The following TTF2 variants were observed in gnomAD, a reference collection of about 807,000 sequenced individuals.
TTF2 encodes transcription termination factor 2, also known as RNA polymerase II termination factor.
Under a neutral mutation model 142.4 loss-of-function variants are expected in TTF2, and 108 were observed. The observed-to-expected ratio is 0.76, with a 90% CI of 0.65 to 0.89. The LOEUF (loss-of-function observed/expected upper bound fraction) is 0.89, where lower values mean the gene tolerates loss of function less well. TTF2 is among the 40% of genes least tolerant of loss of function. The pLI, the probability that TTF2 is intolerant of heterozygous loss-of-function variation, is 0.00. For synonymous variants in TTF2, 483 were observed against 506.2 expected, an observed-to-expected ratio of 0.95 and a Z score of 0.61; for missense variants, 1,327 against 1,379.8, an observed-to-expected ratio of 0.96 and a Z score of 0.61.
Position 117,088,991 on chromosome 1 carries a change from C to T in TTF2, c.2342+9C>T. ...ATGTATTCGCTGCTGAAGTGAGTAA[C>T]TTCTCGTGATTGTGTAAATATGAAC... On this transcript the variant is annotated intron_variant, in intron 13 of 22. Transcript: ENST00000369466. 2 of 1,595,522 alleles carry T rather than the reference C, an allele frequency of 1.3e-6. No homozygotes were observed. The highest frequency in any genetic ancestry group is 4.5e-5 in the East Asian group (2 of 44,134).
Position 117,091,899 on chromosome 1 carries a change from C to A in TTF2, c.2754C>A (p.Ser918=). 1 of 1,613,384 alleles carries A rather than the reference C, an allele frequency of 6.2e-7. No individual in the cohort carries two copies. Among genetic ancestry groups the A allele is most frequent in the Non-Finnish European group, 8.5e-7 (1 of 1,179,874 alleles). The change falls in exon 17 of 23, where the codon TCC becomes TCA. Residue 918 remains serine, a synonymous_variant. Coordinates refer to ENST00000369466, the MANE Select transcript of TTF2 (RefSeq NM_003594.4). ...GATCCAGCACCGTCCACATACTGTC[C>A]CAGTTGCTGAGACTCCGCCAGTGTT... ...SPRSSTVHIL[S]QLLRLRQCCC...
At position 117,076,676 on chromosome 1, in the gene TTF2, C is replaced by A; in HGVS notation, c.1426C>A (p.Gln476Lys). The change falls in exon 7 of 23, where the codon CAG becomes AAG. Residue 476 changes from glutamine (Q) to lysine (K), a missense_variant. By Grantham distance (53) the Gln-to-Lys change is moderately conservative. Transcript: ENST00000369466. The surrounding 1 kb of genome is among the most constrained non-coding windows in gnomAD (Gnocchi z 4.6). ...NEKSNSQVPQ[Q>K]SHFTKTTTGP... ...GAAGAGTAACAGTCAAGTACCACAG[C>A]AGAGTCACTTCACCAAAACTACCAC... 6.2e-7 allele frequency: 1 copy of A among 1,613,482 alleles called. No homozygotes were observed. Among genetic ancestry groups the A allele is most frequent in the Non-Finnish European group, 8.5e-7 (1 of 1,179,680 alleles).
intron 18 of TTF2, chr1:117,094,624 ACTTT>A (rs750362156): frequency 2.1e-6 from 1 of 478,996 alleles, no homozygotes; most frequent in African/African-American, 2.0e-5. Context: ...AAGCTCTTTC[ACTTT>A]CTTCTTCAGC....
rs1044771861 is a variant in TTF2 at position 117,106,597 on chromosome 1, A to C, written c.*5073A>C. On this transcript the variant is annotated 3_prime_UTR_variant, in exon 23 of 23. Transcript: ENST00000369466. ...ATCTAAGGGAGACAGGCATTAGTCA[A>C]CCCCGTGTGGCTGTGAATCAGCCAT... 4.6e-5 allele frequency: 7 copies of C among 152,194 alleles called. No individual in the cohort carries two copies. The highest frequency in any genetic ancestry group is 8.8e-5 in the Non-Finnish European group (6 of 68,040). The allele number at this position is 152,194 out of a possible 1,614,324, so 9.4% of individuals were successfully genotyped here.
chr1:117,105,828 C>G lies in TTF2; in HGVS notation c.*4304C>G, dbSNP rs1009594760. ...TATGGGAGGTGACTTATTTCTCTATCAATCCTGTGAGTGATTTAGCATGGC... is the reference window on the plus strand; with the variant it reads ...TATGGGAGGTGACTTATTTCTCTATGAATCCTGTGAGTGATTTAGCATGGC... On this transcript the variant is annotated 3_prime_UTR_variant, in exon 23 of 23. Coordinates refer to ENST00000369466, the MANE Select transcript of TTF2 (RefSeq NM_003594.4). The surrounding 1 kb of genome is among the most constrained non-coding windows in gnomAD (Gnocchi z 4.7). 8 of 152,154 alleles carry G rather than the reference C, an allele frequency of 5.3e-5. No homozygotes were observed. Among genetic ancestry groups the G allele is most frequent in the African/African-American group, 1.9e-4 (8 of 41,416 alleles). The allele number at this position is 152,154 out of a possible 1,614,324, so 9.4% of individuals were successfully genotyped here. A position where few individuals can be genotyped will look rare whatever the true frequency, so the allele number is the denominator to read the frequency against.
chr1:117,081,353 A>T (rs1647493943), intron 9 of TTF2, among the ~76,000 whole-genome samples: 1 of 152,268 alleles, frequency 6.6e-6, no homozygotes, highest in Admixed American at 6.5e-5. Flanking sequence ...TGGTACAATG[A>T]CAGTACCCAA....
Position 117,104,298 on chromosome 1 carries a change from G to A in TTF2, c.*2774G>A, listed in dbSNP as rs1365401281. On this transcript the variant is annotated 3_prime_UTR_variant, in exon 23 of 23. Transcript: ENST00000369466. Reference sequence around the variant, plus strand: ...ATTAGCATGTATCTCATGCTCCACTGGGAATTTCATAGCAAATATATATAC... The same window carrying A: ...ATTAGCATGTATCTCATGCTCCACTAGGAATTTCATAGCAAATATATATAC... 6.6e-6 allele frequency: 1 copy of A among 152,160 alleles called. No homozygotes were observed. Among genetic ancestry groups the A allele is most frequent in the Non-Finnish European group, 1.5e-5 (1 of 68,036 alleles). 9.4% of individuals were successfully genotyped at this position (152,160 alleles called of 1,614,324 possible).
At chr1:117,084,528 G>A (rs867104266) in intron 11 of TTF2, among the ~76,000 whole-genome samples, 43 of 152,304 alleles carry the variant, frequency 2.8e-4, no homozygotes, top group African/African-American at 1.0e-3. Context: ...AACCAGCCCA[G>A]TTCTACAGAG....
In TTF2 at chr1:117,075,139, G is replaced by C. The variant is rs1192827603; in HGVS notation, c.555G>C (p.Lys185Asn). The change falls in exon 5 of 23, where the codon AAG becomes AAC. Residue 185 changes from lysine (K) to asparagine (N), a missense_variant. Physicochemically the swap from Lys to Asn is moderately conservative, Grantham distance 94. Transcript: ENST00000369466. The surrounding 1 kb of genome is among the most constrained non-coding windows in gnomAD (Gnocchi z 4.5). ...EKDLSSGLVP[K>N]KKQSVVQEKK... ...ACCTCTCATCTGGCCTGGTACCAAA[G>C]AAAAAACAATCTGTAGTTCAAGAGA... 4 of 1,613,972 alleles carry C rather than the reference G, an allele frequency of 2.5e-6. No individual in the cohort carries two copies. The highest frequency in any genetic ancestry group is 3.4e-6 in the Non-Finnish European group (4 of 1,180,002).
At chr1:117,091,044 C>G (rs1055799916) in intron 15 of TTF2, among the ~76,000 whole-genome samples, 1 of 152,186 alleles carries the variant, frequency 6.6e-6, no homozygotes, top group African/African-American at 2.4e-5. Flanking sequence ...TTATCTTTCC[C>G]TGAATTCCAG....
Position 117,075,970 on chromosome 1 carries a change from A to G in TTF2, c.1275+111A>G, listed in dbSNP as rs1166377215. The G allele has an allele frequency of 3.5e-6, 5 of 1,440,588 alleles. No individual in the cohort carries two copies. The highest frequency in any genetic ancestry group is 4.6e-6 in the Non-Finnish European group (5 of 1,082,452). 89.2% of individuals were successfully genotyped at this position (1,440,588 alleles called of 1,614,324 possible). ...AAATATGTTCATGTGAAGGTTTTAT[A>G]GGTGCATGTTCAGTTTCTGCCTTTT... is the stretch of plus-strand genomic sequence containing the variant. On this transcript the variant is annotated intron_variant, in intron 5 of 22. Transcript: ENST00000369466. The surrounding 1 kb of genome is among the most constrained non-coding windows in gnomAD (Gnocchi z 4.5).
chr1:117,090,107 G>T lies in TTF2; in HGVS notation c.2395G>T (p.Asp799Tyr). 6.2e-7 allele frequency: 1 copy of T among 1,614,072 alleles called. No individual in the cohort carries two copies. Among genetic ancestry groups the T allele is most frequent in the South Asian group, 1.1e-5 (1 of 91,044 alleles). ...DEFNLWRSQV[D>Y]NGSKKGGERL... ...GTTCAATCTGTGGAGGAGTCAGGTT[G>T]ACAATGGCTCAAAGAAAGGAGGAGA... The change falls in exon 14 of 23, where the codon GAC becomes TAC. Residue 799 changes from aspartate to tyrosine, a missense_variant. Physicochemically the swap from Asp to Tyr is radical, Grantham distance 160. Coordinates refer to ENST00000369466, the MANE Select transcript of TTF2 (RefSeq NM_003594.4). This position sits in a 1 kb window ranked among gnomAD's most constrained non-coding sequence, Gnocchi z 4.8.
intron 3 of TTF2, among the ~76,000 whole-genome samples, chr1:117,072,227 G>T (rs1351037264): frequency 6.6e-6 from 1 of 151,874 alleles, no homozygotes; most frequent in Non-Finnish European, 1.5e-5. Context: ...TTTTTTGGTG[G>T]AAGAGTGTAA....
chr1:117,099,763 C>T lies in TTF2; in HGVS notation c.3344+856C>T, dbSNP rs1649435347. Among the ~76,000 whole-genome samples the T allele has an allele frequency of 6.6e-6, 1 of 152,192 alleles. No individual in the cohort carries two copies. Among genetic ancestry groups the T allele is most frequent in the Non-Finnish European group, 1.5e-5 (1 of 68,038 alleles). On this transcript the variant is annotated intron_variant, in intron 22 of 22. Transcript: ENST00000369466. This position sits in a 1 kb window ranked among gnomAD's most constrained non-coding sequence, Gnocchi z 4.3. ...ATCACTGCCTATCTTTACTTGATTACTTCCCATTCATTCCTCAGCCTTTAC... is the reference window on the plus strand; with the variant it reads ...ATCACTGCCTATCTTTACTTGATTATTTCCCATTCATTCCTCAGCCTTTAC...
rs1362609520 is a variant in TTF2 at position 117,101,945 on chromosome 1, C to CA, written c.*422dup. The stretch of plus-strand genomic sequence containing the variant: ...TGGCTTGAAGCCAGTAGTTCAAGAC[C>CA]AGCCTGGGCAACATAGTAAGACCCC... On this transcript the variant is annotated 3_prime_UTR_variant, in exon 23 of 23. Transcript: ENST00000369466. This position sits in a 1 kb window ranked among gnomAD's most constrained non-coding sequence, Gnocchi z 5.9. 2.6e-5 allele frequency: 4 copies of CA among 154,378 alleles called. No homozygotes were observed. In the East Asian group the frequency reaches 7.6e-4, roughly 29 times the overall value. The allele number at this position is 154,378 out of a possible 1,614,324, so 9.6% of individuals were successfully genotyped here.
chr1:117,100,305 C>G lies in TTF2; in HGVS notation c.3345-1075C>G, dbSNP rs905615327. Reference sequence around the variant, plus strand: ...TTCTCGCTTTTCCACTTACCAAGTCCTTTAGTTATATTTTCTAAATGTTTC... The same window carrying G: ...TTCTCGCTTTTCCACTTACCAAGTCGTTTAGTTATATTTTCTAAATGTTTC... On this transcript the variant is annotated intron_variant, in intron 22 of 22. Transcript: ENST00000369466. The surrounding 1 kb of genome is among the most constrained non-coding windows in gnomAD (Gnocchi z 4.6). 1.3e-5 allele frequency among the ~76,000 whole-genome samples: 2 copies of G among 152,150 alleles called. No individual in the cohort carries two copies. Among genetic ancestry groups the G allele is most frequent in the Non-Finnish European group, 2.9e-5 (2 of 68,026 alleles).
chr1:117,098,199 T>C (rs1649323114), intron 21 of TTF2: 1 of 152,128 alleles, frequency 6.6e-6, no homozygotes, highest in Non-Finnish European at 1.5e-5. Flanking sequence ...TTTTTTTTTT[T>C]TTTCAGAGAT....
rs149376924 is a variant in TTF2, at chr1:117,084,268, C to T, written c.2054+100C>T. On this transcript the variant is annotated intron_variant, in intron 11 of 22. Transcript: ENST00000369466. Reference sequence around the variant, plus strand: ...CCTGAGATTTCACTTAATCAGGACGCGTATTTGTGAAAGCCAAAGACAGAT... The same window carrying T: ...CCTGAGATTTCACTTAATCAGGACGTGTATTTGTGAAAGCCAAAGACAGAT... 381 of 1,450,228 alleles carry T rather than the reference C, an allele frequency of 2.6e-4. 3 individuals are homozygous for T. In the East Asian group the frequency reaches 8.0e-3, roughly 31 times the overall value. The allele number at this position is 1,450,228 out of a possible 1,614,324, so 89.8% of individuals were successfully genotyped here. A position where few individuals can be genotyped will look rare whatever the true frequency, so the allele number is the denominator to read the frequency against.
At chr1:117,083,660 C>T (rs1244973174) in intron 10 of TTF2, among the ~76,000 whole-genome samples, 2 of 152,310 alleles carry the variant, frequency 1.3e-5, no homozygotes, top group Admixed American at 6.5e-5. Context: ...CTCTTTCTGC[C>T]TGTACTTTTA....
Sources: allele counts gnomAD v4.1 joint callset (sites outside exome capture counted in the v4.1 genomes callset), GRCh38; gene constraint gnomAD v4.1.1; non-coding constraint Gnocchi (gnomAD v3.1); transcripts MANE v1.5; gene names NCBI Gene and HGNC (gene_info 2026-07-23, HGNC 2026-07-21).